Variants in GRHL3 observed in about 807,000 individuals in gnomAD.
GRHL3 encodes grainyhead like transcription factor 3.
Under a neutral mutation model 70.3 loss-of-function variants are expected in GRHL3, and 20 were observed. The ratio of observed to expected loss-of-function variants is 0.28; its 90% CI spans 0.20 to 0.41. The LOEUF is 0.41. Ranked by LOEUF, GRHL3 falls within the 10% of genes least tolerant of loss-of-function variation. The pLI is 1.00. For synonymous variants in GRHL3, 299 were observed against 299.9 expected, an observed-to-expected ratio of 1.00 and a Z score of 0.03; for missense variants, 637 against 762.3, an observed-to-expected ratio of 0.84 and a Z score of 1.94.
At chr1:24,339,253 C>T (rs891260378) in intron 7 of GRHL3, among the ~76,000 whole-genome samples, 1 of 150,294 alleles carries the variant, frequency 6.7e-6, no homozygotes, top group South Asian at 2.1e-4. Flanking sequence ...GAATGTATGC[C>T]CCTGCCAAGA....
chr1:24,351,771 C>G (rs1640519273), intron 15 of GRHL3, among the ~76,000 whole-genome samples: 1 of 152,182 alleles, frequency 6.6e-6, no homozygotes, highest in African/African-American at 2.4e-5. Context: ...AATCATAATT[C>G]TAAAACCTTC....
chr1:24,344,943 A>C lies in GRHL3; in HGVS notation c.1454+12A>C. 6.2e-7 allele frequency: 1 copy of C among 1,612,552 alleles called. No individual in the cohort carries two copies. Among genetic ancestry groups the C allele is most frequent in the Non-Finnish European group, 8.5e-7 (1 of 1,179,440 alleles). On this transcript the variant is annotated intron_variant, in intron 12 of 15. Transcript: ENST00000361548. ...AGCAGCTCCAACAGGTATGGAGAGA[A>C]ACAACCACACGCCTCCCTCCACACC...
At position 24,348,138 on chromosome 1, in the gene GRHL3, CG is replaced by C; in HGVS notation, c.1629+587del. ...AGCTGTGGCTGAAGGTGGAACCACT[CG>C]GAAAAGCCAGATGGTGTCAAGATTT... On this transcript the variant is annotated intron_variant, in intron 14 of 15. Transcript: ENST00000361548. Among the ~76,000 whole-genome samples the C allele has an allele frequency of 3.3e-5, 5 of 152,222 alleles. No individual in the cohort carries two copies. The Middle Eastern group carries it at 0.017, about 518-fold the overall frequency.
chr1:24,344,930 A>G lies in GRHL3; in HGVS notation c.1453A>G (p.Arg485Gly), dbSNP rs780367647. The change falls in exon 12 of 16, where the codon AGG becomes GGG. Residue 485 changes from arginine to glycine, a missense_variant and splice_region_variant. Coordinates refer to ENST00000361548, the MANE Select transcript of GRHL3 (RefSeq NM_198173.3). The part of the protein sequence containing the change: ...APSAGPSSSN[R>G]LPLKRTCSPF... The stretch of plus-strand genomic sequence containing the variant: ...CTCGGCAGGACCCAGCAGCTCCAAC[A>G]GGTATGGAGAGAAACAACCACACGC... The G allele has an allele frequency of 2.9e-5, 46 of 1,613,326 alleles. No individual in the cohort carries two copies. The highest frequency in any genetic ancestry group is 3.6e-5 in the Non-Finnish European group (43 of 1,179,686).
In GRHL3 at chr1:24,342,492, T is replaced by C. The variant is rs1484126306; in HGVS notation, c.1207-202T>C. Among the ~76,000 whole-genome samples, 2 of 152,220 alleles carry C rather than the reference T, an allele frequency of 1.3e-5. No individual in the cohort carries two copies. The highest frequency in any genetic ancestry group is 4.8e-5 in the African/African-American group (2 of 41,454). On this transcript the variant is annotated intron_variant, in intron 9 of 15. Coordinates refer to ENST00000361548, the MANE Select transcript of GRHL3 (RefSeq NM_198173.3). This position sits in a 1 kb window ranked among gnomAD's most constrained non-coding sequence, Gnocchi z 4.8. ...CTGTCTGTCCGCCTCTCTCATGGCC[T>C]GTAGTGACCTCAGGCAAGCAGGGCC... is the stretch of plus-strand genomic sequence containing the variant.
intron 1 of GRHL3, among the ~76,000 whole-genome samples, chr1:24,328,174 G>T (rs1218629278): frequency 1.3e-5 from 2 of 152,212 alleles, no homozygotes; most frequent in East Asian, 3.8e-4. Flanking sequence ...ATCTAGAAAA[G>T]AGACTAGCAC....
At chr1:24,332,224 G>A (rs530436185) in intron 2 of GRHL3, among the ~76,000 whole-genome samples, 1 of 152,224 alleles carries the variant, frequency 6.6e-6, no homozygotes, top group African/African-American at 2.4e-5. Context: ...GCCTTCCCAA[G>A]GCCCACCTTC....
At chr1:24,331,303 G>A (rs1639595392) in intron 1 of GRHL3, 123 bp from the exon 2 acceptor site, 9 of 852,236 alleles carry the variant, frequency 1.1e-5, no homozygotes, top group Non-Finnish European at 5.5e-6. Flanking sequence ...AATGGTGGCA[G>A]AAGAGGCAGT....
Position 24,342,343 on chromosome 1 carries a change from C to A in GRHL3, c.1206+70C>A. 1 of 1,327,282 alleles carries A rather than the reference C, an allele frequency of 7.5e-7. No individual in the cohort carries two copies. The highest frequency in any genetic ancestry group is 1.0e-6 in the Non-Finnish European group (1 of 960,650). 82.2% of individuals were successfully genotyped at this position (1,327,282 alleles called of 1,614,324 possible). ...AAGGGCCAAACCCTGACCCGTGCGT[C>A]CTCCTAGCTTCTCTGGGTTGTCTGT... On this transcript the variant is annotated intron_variant, in intron 9 of 15. Coordinates refer to ENST00000361548, the MANE Select transcript of GRHL3 (RefSeq NM_198173.3). This position sits in a 1 kb window ranked among gnomAD's most constrained non-coding sequence, Gnocchi z 4.8.
intron 8 of GRHL3, among the ~76,000 whole-genome samples, chr1:24,340,477 A>T (rs1639993357): frequency 6.6e-6 from 1 of 152,228 alleles, no homozygotes; most frequent in South Asian, 2.1e-4. Flanking sequence ...GCTTGAGCCC[A>T]GCCGCGGGCT....
intron 14 of GRHL3, among the ~76,000 whole-genome samples, chr1:24,348,205 G>A (rs1003431297): frequency 2.0e-5 from 3 of 152,248 alleles, no homozygotes; most frequent in African/African-American, 4.8e-5. Context: ...AGTAACGCTA[G>A]CTGACCTTTG....
downstream of GRHL3, chr1:24,357,419 T>C (rs77898329): frequency 0.035 from 5,300 of 152,608 alleles, 238 homozygotes; most frequent in African/African-American, 0.1. Flanking sequence ...ACACCTATCA[T>C]TGGAATCACC....
intron 14 of GRHL3, 107 bp from the exon 15 acceptor site, chr1:24,349,951 A>G (rs983390970): frequency 1.3e-6 from 1 of 755,058 alleles, no homozygotes; most frequent in Non-Finnish European, 2.2e-6. Flanking sequence ...CACAATATGC[A>G]TATGTTTTAC....
chr1:24,355,819 T>C (rs772416984), downstream of GRHL3, among the ~76,000 whole-genome samples: 8 of 152,180 alleles, frequency 5.3e-5, no homozygotes, highest in Non-Finnish European at 1.2e-4. Context: ...AGTCAGAAAT[T>C]GACAAATGCT....
At chr1:24,325,072 T>A (rs1471231206) in intron 1 of GRHL3, among the ~76,000 whole-genome samples, 1 of 150,394 alleles carries the variant, frequency 6.6e-6, no homozygotes, top group Non-Finnish European at 1.5e-5. Context: ...TGTCAGGGCC[T>A]CCCTGTGGGT....
chr1:24,326,435 T>C (rs1639394150), intron 1 of GRHL3, among the ~76,000 whole-genome samples: 1 of 148,796 alleles, frequency 6.7e-6, no homozygotes, highest in Non-Finnish European at 1.5e-5. Flanking sequence ...CCACCCCTCT[T>C]CTTAACCAAC....
chr1:24,336,418 C>T, intron 3 of GRHL3, 64 bp from the exon 4 acceptor site: 1 of 1,108,218 alleles, frequency 9.0e-7, no homozygotes, highest in Non-Finnish European at 1.3e-6. Flanking sequence ...GCCTTGCACT[C>T]TAGCCAAAGA....
At chr1:24,324,939 A>T (rs1436541527) in intron 1 of GRHL3, among the ~76,000 whole-genome samples, 1 of 152,028 alleles carries the variant, frequency 6.6e-6, no homozygotes, top group Non-Finnish European at 1.5e-5. Flanking sequence ...ACATTTCACA[A>T]TCTGTACACC....
chr1:24,346,654 C>G lies in GRHL3; in HGVS notation c.1543+13C>G. 1 of 1,601,076 alleles carries G rather than the reference C, an allele frequency of 6.2e-7. No individual in the cohort carries two copies. Among genetic ancestry groups the G allele is most frequent in the Admixed American group, 1.7e-5 (1 of 59,756 alleles). ...GACCTTCAGAGAGGTGACCTCCCGC[C>G]CTCCTCATTTACTCACCAGGCCCAC... On this transcript the variant is annotated intron_variant, in intron 13 of 15. Transcript: ENST00000361548.
Sources: allele counts gnomAD v4.1 joint callset (sites outside exome capture counted in the v4.1 genomes callset), GRCh38; gene constraint gnomAD v4.1.1; non-coding constraint Gnocchi (gnomAD v3.1); transcripts MANE v1.5; gene names NCBI Gene and HGNC (gene_info 2026-07-23, HGNC 2026-07-21).